The following EPHA6 variants were observed in gnomAD, a reference collection of about 807,000 sequenced individuals.
EPHA6 encodes EPH receptor A6, also known as ephrin type-A receptor 6.
Under a neutral mutation model 112.0 loss-of-function variants are expected in EPHA6, and 50 were observed. The observed-to-expected ratio is 0.45, with a 90% CI of 0.36 to 0.56. The LOEUF (loss-of-function observed/expected upper bound fraction) is 0.56. EPHA6 is among the 20% of genes least tolerant of loss of function. The pLI, the probability that EPHA6 is intolerant of heterozygous loss-of-function variation, is 0.00. For missense variants in EPHA6, 1,280 were observed against 1,417.4 expected (o/e 0.90, Z 1.56); for synonymous variants, 529 against 490.7 (o/e 1.08, Z -1.03).
chr3:97,679,509 A>G (rs1264051837), intron 14 of EPHA6, among the ~76,000 whole-genome samples: 1 of 152,158 alleles, frequency 6.6e-6, no homozygotes, highest in Non-Finnish European at 1.5e-5. Flanking sequence ...TAAATATCTC[A>G]TGCCTGATTA....
At chr3:97,230,800 G>A (rs1378941322) in intron 4 of EPHA6, among the ~76,000 whole-genome samples, 2 of 152,106 alleles carry the variant, frequency 1.3e-5, no homozygotes, top group Non-Finnish European at 2.9e-5. Flanking sequence ...TTTGGGTGGC[G>A]GAGCAGTAAT....
chr3:97,441,765 G>A (rs2090145555), intron 6 of EPHA6, among the ~76,000 whole-genome samples: 1 of 151,942 alleles, frequency 6.6e-6, no homozygotes, highest in Non-Finnish European at 1.5e-5. Flanking sequence ...TAGTATACAG[G>A]AAAACCACTG....
intron 11 of EPHA6, among the ~76,000 whole-genome samples, chr3:97,573,236 A>G (rs963784471): frequency 2.0e-5 from 3 of 152,194 alleles, no homozygotes; most frequent in South Asian, 2.1e-4. Context: ...GAGTTTCTCA[A>G]TCTGCTTCTT....
intron 5 of EPHA6, among the ~76,000 whole-genome samples, chr3:97,335,218 C>G (rs891911593): frequency 6.6e-6 from 1 of 152,128 alleles, no homozygotes; most frequent in Non-Finnish European, 1.5e-5. Flanking sequence ...AGAGAAACCA[C>G]AAAGAGCGTG....
At chr3:97,465,967 G>GC (rs1553783211) in intron 7 of EPHA6, among the ~76,000 whole-genome samples, 2 of 149,548 alleles carry the variant, frequency 1.3e-5, no homozygotes, top group Non-Finnish European at 3.0e-5. Context: ...CTGCCCATTT[G>GC]TTTTTTTTTC....
intron 5 of EPHA6, among the ~76,000 whole-genome samples, chr3:97,279,365 T>C (rs2080209708): frequency 6.6e-6 from 1 of 152,144 alleles, no homozygotes; most frequent in Non-Finnish European, 1.5e-5. Flanking sequence ...ATGAAAAGCG[T>C]GCTATTTTAT....
chr3:96,844,884 A>T (rs1414410744), intron 1 of EPHA6, among the ~76,000 whole-genome samples: 1 of 151,982 alleles, frequency 6.6e-6, no homozygotes, highest in African/African-American at 2.4e-5. Flanking sequence ...TTCTAAAAGA[A>T]GCTGATCCTC....
At chr3:97,525,823 T>C (rs1161972881) in intron 10 of EPHA6, among the ~76,000 whole-genome samples, 2 of 152,178 alleles carry the variant, frequency 1.3e-5, no homozygotes, top group African/African-American at 4.8e-5. Context: ...CAGACTGAAC[T>C]GTCTCCAGAT....
At chr3:97,346,252 G>T (rs2083526323) in intron 5 of EPHA6, among the ~76,000 whole-genome samples, 1 of 151,936 alleles carries the variant, frequency 6.6e-6, no homozygotes, top group African/African-American at 2.4e-5. Context: ...TTTAGAGGCT[G>T]GACAAAATTA....
chr3:97,380,559 T>A (rs1262984861), intron 5 of EPHA6, among the ~76,000 whole-genome samples: 3 of 152,158 alleles, frequency 2.0e-5, no homozygotes, highest in Non-Finnish European at 2.9e-5. Context: ...TTGCATTTCT[T>A]ACGTGAAGAA....
intron 3 of EPHA6, among the ~76,000 whole-genome samples, chr3:97,078,083 A>G (rs1269254885): frequency 6.6e-6 from 1 of 152,116 alleles, no homozygotes; most frequent in African/African-American, 2.4e-5. Context: ...AATGATCACC[A>G]TTCTAACTGG....
chr3:97,353,249 T>C (rs1377156346), intron 5 of EPHA6, among the ~76,000 whole-genome samples: 1 of 150,906 alleles, frequency 6.6e-6, no homozygotes, highest in East Asian at 2.0e-4. Flanking sequence ...AGATTTCTTC[T>C]GCTTGAGGAA....
At chr3:97,570,033 G>A (rs556013226) in intron 11 of EPHA6, 6 of 152,082 alleles carry the variant, frequency 3.9e-5, no homozygotes, top group Non-Finnish European at 7.4e-5. Context: ...GACTCACACT[G>A]TTGCCAGGTT....
intron 3 of EPHA6, among the ~76,000 whole-genome samples, chr3:97,056,884 G>A (rs2045870793): frequency 6.6e-6 from 1 of 152,204 alleles, no homozygotes; most frequent in Non-Finnish European, 1.5e-5. Context: ...ATTACACACA[G>A]TACCTATTAT....
intron 13 of EPHA6, among the ~76,000 whole-genome samples, chr3:97,614,913 A>C (rs1160834565): frequency 6.6e-6 from 1 of 152,136 alleles, no homozygotes; most frequent in Non-Finnish European, 1.5e-5. Flanking sequence ...AATTTTGGTC[A>C]TGTTGCATTT....
Position 97,558,303 on chromosome 3 carries a change from C to G in EPHA6, c.2386+25760C>G, listed in dbSNP as rs1483813596. Among the ~76,000 whole-genome samples the G allele has an allele frequency of 4.6e-5, 7 of 152,052 alleles. No individual in the cohort carries two copies. In the East Asian group the frequency reaches 1.2e-3, roughly 25 times the overall value. ...GCATCTAGCTGAAACAGAACTTCCC[C>G]TCTTGTGATATGGTCATATACTCAG... On this transcript the variant is annotated intron_variant, in intron 11 of 17. Coordinates refer to ENST00000389672, the MANE Select transcript of EPHA6 (RefSeq NM_001080448.3).
chr3:97,734,731 AG>A (rs1053072203), intron 15 of EPHA6, among the ~76,000 whole-genome samples: 1 of 152,030 alleles, frequency 6.6e-6, no homozygotes, highest in African/African-American at 2.4e-5. Context: ...GGGACAGAGG[AG>A]GGGGAAGTTA....
chr3:97,137,587 G>C (rs1323995585), intron 3 of EPHA6, among the ~76,000 whole-genome samples: 1 of 151,936 alleles, frequency 6.6e-6, no homozygotes, highest in Non-Finnish European at 1.5e-5. Flanking sequence ...ATTTTCTTTA[G>C]ACCATCAAGT....
chr3:96,915,820 A>G (rs1320904521), intron 2 of EPHA6, among the ~76,000 whole-genome samples: 1 of 152,078 alleles, frequency 6.6e-6, no homozygotes, highest in Non-Finnish European at 1.5e-5. Flanking sequence ...CATTCTATTT[A>G]GTTTGAAAAA....
Sources: gnomAD v4.1 joint callset for allele counts (sites outside exome capture counted in the v4.1 genomes callset) on GRCh38, gnomAD v4.1.1 for gene constraint, MANE v1.5 for transcripts, NCBI Gene and HGNC (gene_info 2026-07-23, HGNC 2026-07-21) for gene names.